DMD: variants seen among roughly 807,000 people sequenced by gnomAD.
DMD encodes the protein mutant dystrophin.
DMD carries 63 observed loss-of-function variants against 330.1 expected under a neutral mutation model. The ratio of observed to expected loss-of-function variants is 0.19; its 90% CI spans 0.16 to 0.24. DMD has a LOEUF of 0.24. Among genes scored for constraint, DMD ranks in the 10% least tolerant of loss-of-function variants. The pLI, the probability that DMD is intolerant of heterozygous loss-of-function variation, is 1.00. For synonymous variants in DMD, 1,223 were observed against 959.8 expected, an observed-to-expected ratio of 1.27 and a Z score of -5.07; for missense variants, 3,344 against 2,684.1, an observed-to-expected ratio of 1.25 and a Z score of -5.43.
chrX:32,557,894 T>A (rs772459911), intron 16 of DMD, among the ~76,000 whole-genome samples: 2 of 110,384 alleles, frequency 1.8e-5, no homozygotes, highest in South Asian at 7.5e-4. Context: ...GCCTGGTAAC[T>A]AAAATTTACT....
intron 30 of DMD, among the ~76,000 whole-genome samples, chrX:32,401,368 C>A (rs1157711509): frequency 8.9e-6 from 1 of 111,784 alleles, no homozygotes; most frequent in Non-Finnish European, 1.9e-5. Flanking sequence ...ATACACAATA[C>A]AGTACTATTC....
Position 32,604,497 on chromosome X carries a change from A to T in DMD, c.1483-8621T>A, listed in dbSNP as rs138472006. Among the ~76,000 whole-genome samples the T allele has an allele frequency of 4.1e-3, 456 of 110,216 alleles. 1 individual carries two copies. Among genetic ancestry groups the T allele is most frequent in the South Asian group, 0.02 (51 of 2,555 alleles). On this transcript the variant is annotated intron_variant, in intron 12 of 78. Transcript: ENST00000357033. ...CCCCTCCCCCAAGAACTACAACAAG[A>T]CAAGGATACCCATTTTCACTGCTCC...
intron 11 of DMD, among the ~76,000 whole-genome samples, chrX:32,624,220 G>A (rs774799108): frequency 8.9e-6 from 1 of 111,987 alleles, no homozygotes; most frequent in African/African-American, 3.2e-5. Flanking sequence ...GAAAGTAAAA[G>A]CAAAAGGTGA....
At chrX:32,569,896 C>T (rs959513744) in intron 15 of DMD, among the ~76,000 whole-genome samples, 14 of 111,578 alleles carry the variant, frequency 1.3e-4, no homozygotes, top group Admixed American at 1.2e-3. Context: ...TGGATCTTCC[C>T]ACGATAATTT....
intron 62 of DMD, among the ~76,000 whole-genome samples, chrX:31,263,001 G>A (rs1451345443): frequency 8.9e-6 from 1 of 112,666 alleles, no homozygotes. Context: ...TGTGATATAA[G>A]CACCAGGGAG....
At chrX:32,636,164 T>G (rs1327090221) in intron 11 of DMD, among the ~76,000 whole-genome samples, 1 of 112,217 alleles carries the variant, frequency 8.9e-6, no homozygotes, top group Non-Finnish European at 1.9e-5. Flanking sequence ...ATGTGTTCAT[T>G]CTCCTCTTTA....
At position 31,427,437 on chromosome X, in the gene DMD, C is replaced by A. The variant is rs1421820103; in HGVS notation, c.9084+17044G>T. ...TGTATGTAGTTCATGTATTAATCAT[C>A]TTTGAAGGGAGCCTGTGTCATGTAC... is the stretch of plus-strand genomic sequence containing the variant. On this transcript the variant is annotated intron_variant, in intron 60 of 78. Coordinates refer to ENST00000357033, the MANE Select transcript of DMD (RefSeq NM_004006.3). 3.6e-5 allele frequency among the ~76,000 whole-genome samples: 4 copies of A among 111,708 alleles called. No individual in the cohort carries two copies. In the Admixed American group the frequency reaches 3.8e-4, roughly 11 times the overall value.
intron 44 of DMD, among the ~76,000 whole-genome samples, chrX:32,044,711 C>T (rs755439609): frequency 6.1e-4 from 68 of 111,788 alleles, no homozygotes; most frequent in Non-Finnish European, 9.4e-4. Context: ...CGTGAGCCTC[C>T]GCACCCAGCC....
chrX:32,949,839 T>G (rs2091109711), intron 2 of DMD, among the ~76,000 whole-genome samples: 1 of 79,214 alleles, frequency 1.3e-5, no homozygotes, highest in Non-Finnish European at 2.4e-5. Context: ...AAACTCATCC[T>G]TTCTGAATAT....
chrX:32,661,044 A>C (rs1425061505), intron 9 of DMD, among the ~76,000 whole-genome samples: 4 of 111,472 alleles, frequency 3.6e-5, no homozygotes, highest in Non-Finnish European at 7.6e-5. Context: ...AGAAGATATC[A>C]AGTACCATAT....
chrX:31,762,308 CGCCT>C (rs1303397775), intron 51 of DMD, among the ~76,000 whole-genome samples: 1 of 108,039 alleles, frequency 9.3e-6, no homozygotes, highest in Non-Finnish European at 1.9e-5. Flanking sequence ...CGGTGGCTCA[CGCCT>C]GTAATCCCAC....
At chrX:31,277,671 G>A (rs2052260461) in intron 62 of DMD, among the ~76,000 whole-genome samples, 1 of 111,258 alleles carries the variant, frequency 9.0e-6, no homozygotes, top group Non-Finnish European at 1.9e-5. Context: ...ATCTTATGGG[G>A]GCCAAGGCAA....
intron 60 of DMD, among the ~76,000 whole-genome samples, chrX:31,423,353 C>G (rs2063539811): frequency 9.0e-6 from 1 of 111,269 alleles, no homozygotes; most frequent in African/African-American, 3.3e-5. Context: ...AAACACAACA[C>G]ACTGCAGCTT....
chrX:33,089,526 T>G (rs1299918065), intron 1 of DMD, among the ~76,000 whole-genome samples: 2 of 109,193 alleles, frequency 1.8e-5, no homozygotes, highest in African/African-American at 6.7e-5. Context: ...AGACACCATC[T>G]CAAAAAAAAA....
intron 30 of DMD, among the ~76,000 whole-genome samples, chrX:32,390,797 G>C (rs1382711626): frequency 9.0e-6 from 1 of 111,367 alleles, no homozygotes; most frequent in Non-Finnish European, 1.9e-5. Context: ...TGTGATTATA[G>C]GCGTGAGCCA....
At chrX:32,442,204 G>GAT (rs2098283948) in intron 27 of DMD, among the ~76,000 whole-genome samples, 1 of 110,298 alleles carries the variant, frequency 9.1e-6, no homozygotes. Context: ...TTAAAATTAG[G>GAT]ACCTTCTATT....
At chrX:31,562,110 T>A (rs916281205) in intron 55 of DMD, among the ~76,000 whole-genome samples, 5 of 112,176 alleles carry the variant, frequency 4.5e-5, no homozygotes, top group Middle Eastern at 4.7e-3. Flanking sequence ...TTGAAAGATA[T>A]CATCACCATT....
At chrX:32,475,376 T>C (rs2041127003) in intron 21 of DMD, among the ~76,000 whole-genome samples, 1 of 111,468 alleles carries the variant, frequency 9.0e-6, no homozygotes. Context: ...GAATTTTTTT[T>C]CTAATTCTGT....
chrX:31,462,554 A>C (rs1402628534), intron 59 of DMD, among the ~76,000 whole-genome samples: 8 of 111,549 alleles, frequency 7.2e-5, no homozygotes, highest in Non-Finnish European at 1.5e-4. Context: ...GATCAGACAC[A>C]ATGTGAGGTT....
Sources: gnomAD v4.1 joint callset for allele counts (sites outside exome capture counted in the v4.1 genomes callset) on GRCh38, gnomAD v4.1.1 for gene constraint, MANE v1.5 for transcripts, NCBI Gene and HGNC (gene_info 2026-07-23, HGNC 2026-07-21) for gene names.